The following NTRK3 variants were observed in gnomAD, a reference collection of about 807,000 sequenced individuals.
The protein encoded by NTRK3 is neurotrophic receptor tyrosine kinase 3.
Under a neutral mutation model 91.7 loss-of-function variants are expected in NTRK3, and 24 were observed. That is an observed-to-expected ratio of 0.26 (90% confidence interval 0.19 to 0.37). NTRK3 has a LOEUF of 0.37. Ranked by LOEUF, NTRK3 falls within the 10% of genes least tolerant of loss-of-function variation. The probability of loss-of-function intolerance (pLI) is 1.00; values close to 1 mark genes in which losing one functional copy is unlikely to be tolerated. For missense variants in NTRK3, 880 were observed against 1,068.9 expected, an observed-to-expected ratio of 0.82 and a Z score of 2.46; for synonymous variants, 483 against 404.0, an observed-to-expected ratio of 1.20 and a Z score of -2.34.
intron 17 of NTRK3, 32 bp downstream of exon 17, chr15:87,929,159 G>T (rs1240109047): frequency 6.2e-7 from 1 of 1,614,126 alleles, no homozygotes; most frequent in East Asian, 2.2e-5. Flanking sequence ...TAGCTCTGTG[G>T]CTGAGTCCTG....
intron 17 of NTRK3, among the ~76,000 whole-genome samples, chr15:87,923,809 T>C (rs549961503): frequency 1.3e-5 from 2 of 152,214 alleles, no homozygotes; most frequent in South Asian, 4.2e-4. Flanking sequence ...TTAATGTTGT[T>C]ATCATGAGAG....
At chr15:87,899,873 G>A (rs1408016465) in intron 17 of NTRK3, among the ~76,000 whole-genome samples, 2 of 152,138 alleles carry the variant, frequency 1.3e-5, no homozygotes, top group Admixed American at 1.3e-4. Flanking sequence ...TGCTGGAGGA[G>A]CTTTGATAAG....
chr15:88,217,453 A>G (rs1430511720), intron 3 of NTRK3, among the ~76,000 whole-genome samples: 1 of 152,234 alleles, frequency 6.6e-6, no homozygotes, highest in Non-Finnish European at 1.5e-5. Flanking sequence ...ACTCTACAGT[A>G]GAGATGAACC....
chr15:88,012,629 G>C (rs1330478830), intron 14 of NTRK3, among the ~76,000 whole-genome samples: 2 of 152,184 alleles, frequency 1.3e-5, no homozygotes, highest in African/African-American at 4.8e-5. Context: ...ACCCAATACA[G>C]AACCTAGAAC....
chr15:88,250,282 G>T (rs912278395), intron 3 of NTRK3, among the ~76,000 whole-genome samples: 1 of 152,196 alleles, frequency 6.6e-6, no homozygotes, highest in African/African-American at 2.4e-5. Flanking sequence ...TTTTCCATTT[G>T]TGAGCTATGA....
intron 17 of NTRK3, among the ~76,000 whole-genome samples, chr15:87,885,995 C>T (rs182512261): frequency 6.6e-6 from 1 of 151,910 alleles, no homozygotes; most frequent in Non-Finnish European, 1.5e-5. Flanking sequence ...ACAAAGTGCT[C>T]CTTCAAATTA....
chr15:88,113,994 C>G (rs913162525), intron 13 of NTRK3, among the ~76,000 whole-genome samples: 1 of 151,956 alleles, frequency 6.6e-6, no homozygotes, highest in Admixed American at 6.6e-5. Context: ...GGAATCTGCA[C>G]TTTAATCAGT....
chr15:88,247,697 C>A (rs1031802809), intron 3 of NTRK3, among the ~76,000 whole-genome samples: 5 of 152,196 alleles, frequency 3.3e-5, no homozygotes, highest in African/African-American at 1.2e-4. Context: ...CAAGCTCACA[C>A]AGCCAAGAAG....
intron 13 of NTRK3, among the ~76,000 whole-genome samples, chr15:88,060,873 A>G (rs1353098404): frequency 1.3e-5 from 2 of 152,204 alleles, no homozygotes; most frequent in African/African-American, 4.8e-5. Context: ...TCTTAAATTT[A>G]CTATCAATAT....
chr15:88,113,099 A>G (rs1022871560), intron 13 of NTRK3, among the ~76,000 whole-genome samples: 4 of 152,150 alleles, frequency 2.6e-5, no homozygotes, highest in Non-Finnish European at 5.9e-5. Context: ...CAACCCAGTC[A>G]TTACTGATCA....
At chr15:88,002,979 A>G (rs922747665) in intron 14 of NTRK3, among the ~76,000 whole-genome samples, 5 of 152,248 alleles carry the variant, frequency 3.3e-5, no homozygotes, top group Non-Finnish European at 7.3e-5. Context: ...CGCCAAGATC[A>G]GAGAGAAGAC....
At chr15:88,161,589 A>G (rs1185660459) in intron 5 of NTRK3, among the ~76,000 whole-genome samples, 1 of 152,204 alleles carries the variant, frequency 6.6e-6, no homozygotes, top group Admixed American at 6.5e-5. Context: ...AACTGGGACC[A>G]TGTGTGACAG....
chr15:88,216,854 T>C (rs2049819272), intron 3 of NTRK3, among the ~76,000 whole-genome samples: 1 of 152,322 alleles, frequency 6.6e-6, no homozygotes, highest in South Asian at 2.1e-4. Context: ...GACTGTGGAA[T>C]AGCCTCAGGC....
intron 5 of NTRK3, among the ~76,000 whole-genome samples, chr15:88,166,448 C>G (rs958161087): frequency 6.6e-6 from 1 of 152,126 alleles, no homozygotes; most frequent in African/African-American, 2.4e-5. Context: ...TGTGGCAATG[C>G]TAGGGGAAGG....
At chr15:88,108,480 G>C (rs928787355) in intron 13 of NTRK3, among the ~76,000 whole-genome samples, 3 of 152,246 alleles carry the variant, frequency 2.0e-5, no homozygotes, top group Admixed American at 2.0e-4. Context: ...CCTCCCACTA[G>C]TTCCCATCCT....
At chr15:88,093,074 G>GA (rs2049185002) in intron 13 of NTRK3, among the ~76,000 whole-genome samples, 1 of 108,488 alleles carries the variant, frequency 9.2e-6, no homozygotes. Context: ...TGTTTTTTTT[G>GA]TTTTTTTTTT....
intron 14 of NTRK3, among the ~76,000 whole-genome samples, chr15:87,985,344 A>T (rs2141417436): frequency 6.6e-6 from 1 of 152,336 alleles, no homozygotes; most frequent in Non-Finnish European, 1.5e-5. Flanking sequence ...GTTGAATGCC[A>T]ACAAGCAGGA....
chr15:88,141,261 A>T (rs1036362850), intron 6 of NTRK3, among the ~76,000 whole-genome samples: 3 of 152,208 alleles, frequency 2.0e-5, no homozygotes, highest in Non-Finnish European at 4.4e-5. Flanking sequence ...AAATGAGACG[A>T]ACATAATAGA....
At chr15:88,006,163 T>C (rs918269727) in intron 14 of NTRK3, among the ~76,000 whole-genome samples, 3 of 152,200 alleles carry the variant, frequency 2.0e-5, no homozygotes, top group African/African-American at 7.2e-5. Context: ...CCAGGGTGGA[T>C]GATTAAACTA....
Sources: gnomAD v4.1 joint callset for allele counts (sites outside exome capture counted in the v4.1 genomes callset) on GRCh38, gnomAD v4.1.1 for gene constraint, MANE v1.5 for transcripts, NCBI Gene and HGNC (gene_info 2026-07-23, HGNC 2026-07-21) for gene names.